ZDHHC1: variants seen among roughly 807,000 people sequenced by gnomAD.
The protein encoded by ZDHHC1 is palmitoyltransferase ZDHHC1.
ZDHHC1 carries 45 observed loss-of-function variants against 46.9 expected under a neutral mutation model. That is an observed-to-expected ratio of 0.96 (90% CI 0.76 to 1.23). The LOEUF is 1.23. ZDHHC1 is among the 50% of genes most tolerant of loss of function. ZDHHC1 has a pLI of 0.00. For synonymous variants in ZDHHC1, 291 were observed against 286.0 expected (o/e 1.02, Z -0.18); for missense variants, 649 against 670.8 (o/e 0.97, Z 0.36).
chr16:67,394,884 G>T lies in ZDHHC1; in HGVS notation c.1175C>A (p.Ala392Asp), dbSNP rs2040390627. Reference protein sequence around the residue: ...ETSDPASGPRAPSRRSSSSTD... With the variant: ...ETSDPASGPRDPSRRSSSSTD... ...CGACGAGCTGGAGCGGCGGCTGGGG[G>T]CCCTAGGCCCTGCGCAAGGGAAGGG... The change falls in exon 12 of 12, where the codon GCC (alanine) becomes GAC (aspartate). Residue 392 changes from alanine to aspartate, a missense_variant. Transcript: ENST00000565726. The T allele has an allele frequency of 3.8e-6, 6 of 1,560,942 alleles. No homozygotes were observed. The highest frequency in any genetic ancestry group is 1.9e-5 in the Admixed American group (1 of 53,178).
At position 67,395,217 on chromosome 16, in the gene ZDHHC1, A is replaced by T. The variant is rs1444569534; in HGVS notation, c.1074T>A (p.Thr358=). The change falls in exon 10 of 12, where the codon ACT becomes ACA. Residue 358 remains threonine, a synonymous_variant. Transcript: ENST00000565726. The part of the protein sequence containing the change: ...AEPPPPSSPD[T]LALPPRIRPQ... ...GTCGGATCCGGGGAGGCAGGGCGAG[A>T]GTGTCTGGGGAAGAGGGTGGTGGAG... 2 of 1,610,002 alleles carry T rather than the reference A, an allele frequency of 1.2e-6. No individual in the cohort carries two copies. The highest frequency in any genetic ancestry group is 8.5e-7 in the Non-Finnish European group (1 of 1,178,854).
chr16:67,394,858 TCGA>T lies in ZDHHC1; in HGVS notation c.1198_1200del (p.Ser400del), dbSNP rs1422137974. ...ACAGGGCTGGCGTCCGCGGAATCCGTCGACGAGCTGGAGCGGCGGCTGGGGGCC... is the reference window on the plus strand; with the variant it reads ...ACAGGGCTGGCGTCCGCGGAATCCGTCGAGCTGGAGCGGCGGCTGGGGGCC... On this transcript the variant is annotated inframe_deletion, in exon 12 of 12. Coordinates refer to ENST00000565726, the MANE Select transcript of ZDHHC1 (RefSeq NM_001323627.2). 1.9e-6 allele frequency: 3 copies of T among 1,564,394 alleles called. No individual in the cohort carries two copies. The highest frequency in any genetic ancestry group is 2.6e-6 in the Non-Finnish European group (3 of 1,157,636).
At chr16:67,415,633 T>C (rs2040821897) in intron 1 of ZDHHC1, among the ~76,000 whole-genome samples, 1 of 151,882 alleles carries the variant, frequency 6.6e-6, no homozygotes, top group Admixed American at 6.6e-5. Context: ...GGCGGGCGCC[T>C]GTAATCCCAG....
At chr16:67,409,604 G>T (rs528005137) in intron 1 of ZDHHC1, among the ~76,000 whole-genome samples, 1 of 152,366 alleles carries the variant, frequency 6.6e-6, no homozygotes, top group East Asian at 1.9e-4. Flanking sequence ...TAAAAGGGCT[G>T]GGAGGTCGGA....
In ZDHHC1 at chr16:67,406,160, C is replaced by T; in HGVS notation, c.252+40G>A. 6.3e-7 allele frequency: 1 copy of T among 1,592,232 alleles called. No homozygotes were observed. The highest frequency in any genetic ancestry group is 8.6e-7 in the Non-Finnish European group (1 of 1,166,508). On this transcript the variant is annotated intron_variant, in intron 3 of 11. Transcript: ENST00000565726. The surrounding 1 kb of genome is among the most constrained non-coding windows in gnomAD (Gnocchi z 4.1). ...CGCTGTGCCAGCCATCCTTTGCCTC[C>T]CCACTTCCACACACCAGCCCTACGC...
At position 67,414,734 on chromosome 16, in the gene ZDHHC1, G is replaced by A. The variant is rs1473284852; in HGVS notation, c.-39+1437C>T. Among the ~76,000 whole-genome samples the A allele has an allele frequency of 5.9e-5, 9 of 152,226 alleles. No homozygotes were observed. The South Asian group carries it at 1.7e-3, about 28-fold the overall frequency. ...CCCACTCCCATCATGAGGACACTGA[G>A]GCTCAGAGACACTAAATGAGTTATT... On this transcript the variant is annotated intron_variant, in intron 1 of 11. Transcript: ENST00000565726.
In ZDHHC1 at chr16:67,394,897, C is replaced by A. The variant is rs2040391364; in HGVS notation, c.1166-4G>T. 6.4e-7 allele frequency: 1 copy of A among 1,562,412 alleles called. No homozygotes were observed. Among genetic ancestry groups the A allele is most frequent in the Non-Finnish European group, 8.7e-7 (1 of 1,155,996 alleles). On this transcript the variant is annotated splice_region_variant and splice_polypyrimidine_tract_variant and intron_variant, in intron 11 of 11. Transcript: ENST00000565726. ...CGGCGGCTGGGGGCCCTAGGCCCTG[C>A]GCAAGGGAAGGGAACATGAGCCCAG... is the stretch of plus-strand genomic sequence containing the variant.
chr16:67,399,501 G>A (rs749404998), intron 4 of ZDHHC1, 45 bp from the exon 5 acceptor site: 2 of 1,532,412 alleles, frequency 1.3e-6, no homozygotes, highest in African/African-American at 1.4e-5. Context: ...CTCATTCCCC[G>A]CTCTGCGGCC....
In ZDHHC1 at chr16:67,398,660, T is replaced by G; in HGVS notation, c.727A>C (p.Ile243Leu). 1 of 1,607,790 alleles carries G rather than the reference T, an allele frequency of 6.2e-7. No homozygotes were observed. The highest frequency in any genetic ancestry group is 2.2e-5 in the East Asian group (1 of 44,634). Residue 243 changes from isoleucine to leucine, a missense_variant, in exon 7 of 12, where the codon ATC (isoleucine) becomes CTC (leucine). Ile to Leu is a conservative substitution (Grantham distance 5, BLOSUM62 2). Coordinates refer to ENST00000565726, the MANE Select transcript of ZDHHC1 (RefSeq NM_001323627.2). ...ATGAGCAGGGCGGCCAGGGCCAGGA[T>G]GGCAGGGGCCTGGGTCTCCACGGGG... ...AAPVETQAPA[I>L]LALAALLILL...
chr16:67,399,027 G>A, intron 5 of ZDHHC1, 83 bp from the exon 6 acceptor site: 2 of 1,529,648 alleles, frequency 1.3e-6, no homozygotes, highest in Non-Finnish European at 8.8e-7. Flanking sequence ...TAGGGTCATT[G>A]CTATGGGCTC....
chr16:67,396,464 C>T (rs1223245396), intron 8 of ZDHHC1, among the ~76,000 whole-genome samples: 1 of 152,150 alleles, frequency 6.6e-6, no homozygotes, highest in Non-Finnish European at 1.5e-5. Flanking sequence ...GGCGTCCTGA[C>T]TAATGCAGAG....
chr16:67,407,578 T>C (rs188100704), intron 2 of ZDHHC1, among the ~76,000 whole-genome samples, 189 bp downstream of exon 2: 6 of 152,348 alleles, frequency 3.9e-5, no homozygotes, highest in Non-Finnish European at 5.9e-5. Flanking sequence ...AAGCTTTCCC[T>C]GATGCCCTGA....
At position 67,406,545 on chromosome 16, in the gene ZDHHC1, C is replaced by T. The variant is rs547627679; in HGVS notation, c.10-103G>A. On this transcript the variant is annotated intron_variant, in intron 2 of 11. Coordinates refer to ENST00000565726, the MANE Select transcript of ZDHHC1 (RefSeq NM_001323627.2). This position sits in a 1 kb window ranked among gnomAD's most constrained non-coding sequence, Gnocchi z 4.1. ...GTTTCAGCACAGGGGGAGTAGGCTG[C>T]GACAGCTACTCTGCTGGGGAAACTG... 2.1e-5 allele frequency: 29 copies of T among 1,369,758 alleles called. No individual in the cohort carries two copies. In the East Asian group the frequency reaches 2.8e-4, roughly 13 times the overall value. The allele number at this position is 1,369,758 out of a possible 1,614,324, so 84.9% of individuals were successfully genotyped here.
intron 9 of ZDHHC1, 79 bp from the exon 10 acceptor site, chr16:67,395,359 C>T (rs528310209): frequency 1.3e-6 from 2 of 1,500,408 alleles, no homozygotes; most frequent in Non-Finnish European, 1.8e-6. Context: ...AGAAGCTTCC[C>T]TTCCTGTTAG....
intron 1 of ZDHHC1, among the ~76,000 whole-genome samples, chr16:67,414,869 C>T (rs576192858): frequency 1.3e-4 from 20 of 152,350 alleles, no homozygotes; most frequent in African/African-American, 4.6e-4. Context: ...GCTTTTCAAA[C>T]GTGAAACTCA....
intron 1 of ZDHHC1, among the ~76,000 whole-genome samples, chr16:67,408,904 G>A (rs1028753821): frequency 6.6e-6 from 1 of 152,186 alleles, no homozygotes; most frequent in Non-Finnish European, 1.5e-5. Context: ...CTGCTCTGGG[G>A]CCAATCTCTG....
chr16:67,406,443 C>T lies in ZDHHC1; in HGVS notation c.10-1G>A, dbSNP rs1324531150. The T allele has an allele frequency of 6.5e-7, 1 of 1,529,462 alleles. No homozygotes were observed. Among genetic ancestry groups the T allele is most frequent in the African/African-American group, 1.4e-5 (1 of 73,142 alleles). The allele number at this position is 1,529,462 out of a possible 1,614,324, so 94.7% of individuals were successfully genotyped here. ...TGGAGGGCTTGTTGCAGATGTTCATCTCCAGAGGGAGAAACAGTAGAGAGA... is the reference window on the plus strand; with the variant it reads ...TGGAGGGCTTGTTGCAGATGTTCATTTCCAGAGGGAGAAACAGTAGAGAGA... On this transcript the variant is annotated splice_acceptor_variant, in intron 2 of 11. Coordinates refer to ENST00000565726, the MANE Select transcript of ZDHHC1 (RefSeq NM_001323627.2). LOFTEE classifies it high-confidence loss of function. This position sits in a 1 kb window ranked among gnomAD's most constrained non-coding sequence, Gnocchi z 4.1.
chr16:67,400,541 C>T (rs2040531836), intron 4 of ZDHHC1, among the ~76,000 whole-genome samples: 1 of 152,208 alleles, frequency 6.6e-6, no homozygotes, highest in African/African-American at 2.4e-5. Flanking sequence ...TCTGGCCTAT[C>T]AGCCTTTCTA....
In ZDHHC1 at chr16:67,395,576, G is replaced by A. The variant is rs1411381946; in HGVS notation, c.928-10C>T. ...TGTAGAACTCCATCTCCTGGGGAAG[G>A]TGGAAGTCAAGGAGGCTGGGAGGCC... On this transcript the variant is annotated splice_polypyrimidine_tract_variant and intron_variant, in intron 8 of 11. Coordinates refer to ENST00000565726, the MANE Select transcript of ZDHHC1 (RefSeq NM_001323627.2). 1.9e-6 allele frequency: 3 copies of A among 1,551,874 alleles called. No individual in the cohort carries two copies. The highest frequency in any genetic ancestry group is 2.6e-6 in the Non-Finnish European group (3 of 1,147,164).
Sources: allele counts gnomAD v4.1 joint callset (sites outside exome capture counted in the v4.1 genomes callset), GRCh38; gene constraint gnomAD v4.1.1; non-coding constraint Gnocchi (gnomAD v3.1); transcripts MANE v1.5; gene names NCBI Gene and HGNC (gene_info 2026-07-23, HGNC 2026-07-21).